Variants in DGKZ observed in about 807,000 individuals in gnomAD.
DGKZ encodes the protein diacylglycerol kinase zeta, also known as DAG kinase zeta.
DGKZ carries 45 observed loss-of-function variants against 142.5 expected under a neutral mutation model. That is an observed-to-expected ratio of 0.32 (90% CI 0.25 to 0.40). DGKZ has a LOEUF of 0.40. DGKZ is among the 10% of genes least tolerant of loss of function. DGKZ has a pLI of 1.00. For missense variants in DGKZ, 755 were observed against 1,306.5 expected, an observed-to-expected ratio of 0.58 and a Z score of 6.51; for synonymous variants, 442 against 527.0, an observed-to-expected ratio of 0.84 and a Z score of 2.21.
Position 46,361,590 on chromosome 11 carries a change from AC to A in DGKZ, c.162-5700del, listed in dbSNP as rs1028440098. 3 of 975,170 alleles carry A rather than the reference AC, an allele frequency of 3.1e-6. No individual in the cohort carries two copies. The African/African-American group carries it at 5.3e-5, about 17-fold the overall frequency. The allele number at this position is 975,170 out of a possible 1,614,324, so 60.4% of individuals were successfully genotyped here. A position where few individuals can be genotyped will look rare whatever the true frequency, so the allele number is the denominator to read the frequency against. ...AGGGGGAGGGGGCAGAGGAGCAGCC[AC>A]GGCTGCTAGCTCTCCAAACTAGGAC... On this transcript the variant is annotated intron_variant, in intron 1 of 30. Transcript: ENST00000527911.
intron 25 of DGKZ, 82 bp downstream of exon 25, chr11:46,377,294 G>GCCC: frequency 6.8e-7 from 1 of 1,481,380 alleles, no homozygotes. Flanking sequence ...CCTGCTTCTA[G>GCCC]CCCCTCCACC....
intron 1 of DGKZ, among the ~76,000 whole-genome samples, chr11:46,352,701 T>G (rs931462542): frequency 6.6e-6 from 1 of 152,224 alleles, no homozygotes; most frequent in Non-Finnish European, 1.5e-5. Flanking sequence ...GGGGGCAGTG[T>G]GTGCAGGAAG....
chr11:46,369,252 A>C (rs983777336), intron 4 of DGKZ: 1 of 583,410 alleles, frequency 1.7e-6, no homozygotes, highest in Non-Finnish European at 3.1e-6. Flanking sequence ...CAAAGCTCCC[A>C]ACCTCCCCCT....
chr11:46,376,001 G>T, intron 21 of DGKZ, 50 bp downstream of exon 21: 1 of 1,611,884 alleles, frequency 6.2e-7, no homozygotes, highest in Non-Finnish European at 8.5e-7. Context: ...GGCTGAAGCA[G>T]CCGGGGCCCC....
At chr11:46,365,825 G>A (rs750799374) in intron 1 of DGKZ, 44 of 985,282 alleles carry the variant, frequency 4.5e-5, no homozygotes, top group Non-Finnish European at 5.3e-5. Flanking sequence ...CAGGCAGACC[G>A]ACTCCCCATT....
At chr11:46,343,229 T>C (rs1353743115), upstream of DGKZ, among the ~76,000 whole-genome samples, 2 of 152,228 alleles carry the variant, frequency 1.3e-5, no homozygotes, top group South Asian at 4.1e-4. Flanking sequence ...AGTAAGATTT[T>C]TGGCACAGAA....
rs138250305 is a variant in DGKZ at position 46,349,061 on chromosome 11, G to A, written c.161+1241G>A. Among the ~76,000 whole-genome samples, 107 of 152,260 alleles carry A rather than the reference G, an allele frequency of 7.0e-4. 1 individual carries two copies. The highest frequency in any genetic ancestry group is 7.3e-4 in the Non-Finnish European group (50 of 68,030). ...TCCTGTCGTGTGGGCTAGCATACCC[G>A]TGATGCTGACTTGTGCCCTCTACCC... is the stretch of plus-strand genomic sequence containing the variant. On this transcript the variant is annotated intron_variant, in intron 1 of 30. Coordinates refer to ENST00000527911, the Ensembl canonical transcript of DGKZ.
intron 22 of DGKZ, 81 bp downstream of exon 22, chr11:46,376,226 T>C (rs1944513976): frequency 6.2e-7 from 1 of 1,604,652 alleles, no homozygotes; most frequent in South Asian, 1.1e-5. Context: ...CGCAGCCAGC[T>C]CGCCCTGCGG....
At chr11:46,377,895 C>T (rs1944739894) in intron 25 of DGKZ, 2 of 486,362 alleles carry the variant, frequency 4.1e-6, no homozygotes, top group Admixed American at 3.7e-5. Context: ...GAGATCACTC[C>T]CAGGACCCCC....
intron 1 of DGKZ, among the ~76,000 whole-genome samples, chr11:46,349,335 G>A (rs1435491393): frequency 6.6e-6 from 1 of 152,194 alleles, no homozygotes; most frequent in Non-Finnish European, 1.5e-5. Flanking sequence ...CACAGGCTCC[G>A]CAGGGGGAGG....
At chr11:46,343,989 G>A (rs1940408748), upstream of DGKZ, among the ~76,000 whole-genome samples, 2 of 148,864 alleles carry the variant, frequency 1.3e-5, no homozygotes, top group African/African-American at 5.0e-5. Context: ...TCATTCTGTT[G>A]CCCAGGCTAG....
At chr11:46,375,854 G>C (rs1275206277) in exon 21 of DGKZ, 1 of 1,559,338 alleles carries the variant, frequency 6.4e-7, no homozygotes, top group Non-Finnish European at 8.7e-7. Context: ...CCGACAGCCA[G>C]CAGCCGGTGC....
In DGKZ at chr11:46,360,721, G is replaced by A. The variant is rs1942549626; in HGVS notation, c.162-6570G>A. Among the ~76,000 whole-genome samples, 3 of 152,254 alleles carry A rather than the reference G, an allele frequency of 2.0e-5. No individual in the cohort carries two copies. In the South Asian group the frequency reaches 6.2e-4, roughly 32 times the overall value. On this transcript the variant is annotated intron_variant, in intron 1 of 30. Transcript: ENST00000527911. ...GAATCATCTGAACCCGGGAGGCGGA[G>A]GTTGCAGTGAGCTGAGATCACGCCA...
At chr11:46,380,032 G>C (rs1292806931) in exon 31 of DGKZ, 1 of 1,327,858 alleles carries the variant, frequency 7.5e-7, no homozygotes, top group Non-Finnish European at 1.0e-6. Context: ...ATTCCAGTGG[G>C]ACGGCCACGG....
chr11:46,367,945 C>T lies in DGKZ; in HGVS notation c.367-57C>T. On this transcript the variant is annotated intron_variant, in intron 3 of 30. Coordinates refer to ENST00000527911, the Ensembl canonical transcript of DGKZ. This position sits in a 1 kb window ranked among gnomAD's most constrained non-coding sequence, Gnocchi z 4.1. Reference sequence around the variant, plus strand: ...CAAAGGGCAGCTGTGCTGGGGCAGGCAGCCTCCGAGATAGACTTACCTGGT... The same window carrying T: ...CAAAGGGCAGCTGTGCTGGGGCAGGTAGCCTCCGAGATAGACTTACCTGGT... The T allele has an allele frequency of 1.3e-6, 2 of 1,592,130 alleles. No individual in the cohort carries two copies. Among genetic ancestry groups the T allele is most frequent in the Non-Finnish European group, 1.7e-6 (2 of 1,160,474 alleles).
chr11:46,369,319 A>C, intron 4 of DGKZ, 175 bp from the exon 5 acceptor site: 1 of 712,752 alleles, frequency 1.4e-6, no homozygotes, highest in Non-Finnish European at 2.5e-6. Context: ...AGGAGGAGGC[A>C]GAGAGGCAGG....
exon 1 of DGKZ, chr11:46,333,475 A>G: frequency 4.5e-6 from 7 of 1,539,944 alleles, no homozygotes; most frequent in Non-Finnish European, 6.1e-6. Flanking sequence ...CTACGAAAGC[A>G]GGTGTCTTAC....
exon 27 of DGKZ, chr11:46,378,463 A>T (rs1232561906): frequency 6.2e-7 from 1 of 1,603,906 alleles, no homozygotes; most frequent in Non-Finnish European, 8.5e-7. Flanking sequence ...GCAGGTGAAG[A>T]GCTGATTGAG....
chr11:46,342,890 A>G (rs28366769), upstream of DGKZ, among the ~76,000 whole-genome samples: 3 of 152,150 alleles, frequency 2.0e-5, no homozygotes, highest in Admixed American at 1.3e-4. Flanking sequence ...TTGGGAGGCC[A>G]AGGCGGGCAG....
Sources: gnomAD v4.1 joint callset for allele counts (sites outside exome capture counted in the v4.1 genomes callset) on GRCh38, gnomAD v4.1.1 for gene constraint, Gnocchi (gnomAD v3.1) non-coding constraint, MANE v1.5 for transcripts, NCBI Gene and HGNC (gene_info 2026-07-23, HGNC 2026-07-21) for gene names.